Variants in AKAP10 observed in about 807,000 individuals in gnomAD.
AKAP10 encodes A-kinase anchoring protein 10, also known as A-kinase anchor protein 10, mitochondrial.
AKAP10 carries 24 observed loss-of-function variants against 80.8 expected under a neutral mutation model. The ratio of observed to expected loss-of-function variants is 0.30; its 90% CI spans 0.22 to 0.42. The LOEUF (loss-of-function observed/expected upper bound fraction) is 0.42. Among genes scored for constraint, AKAP10 ranks in the 10% least tolerant of loss-of-function variants. The probability of loss-of-function intolerance (pLI) is 1.00; values close to 1 mark genes in which losing one functional copy is unlikely to be tolerated. For missense variants in AKAP10, 661 were observed against 794.9 expected (o/e 0.83, Z 2.03); for synonymous variants, 291 against 277.7 (o/e 1.05, Z -0.48).
rs1567760334 is a variant in AKAP10, at chr17:19,936,427, G to A, written c.1326C>T (p.Tyr442=). ...GAGGATGTGTGGCTTGGAGGGAGAAGTACCTATGGTAAAAAGATATCCGAA... is the reference window on the plus strand; with the variant it reads ...GAGGATGTGTGGCTTGGAGGGAGAAATACCTATGGTAAAAAGATATCCGAA... The part of the protein sequence containing the change: ...QNDAMILYDK[Y]FSLQATHPLG... The change falls in exon 9 of 15, where the codon TAC becomes TAT. Residue 442 remains tyrosine (Y), a synonymous_variant. Transcript: ENST00000225737. 1 of 1,598,218 alleles carries A rather than the reference G, an allele frequency of 6.3e-7. No homozygotes were observed. The highest frequency in any genetic ancestry group is 8.5e-7 in the Non-Finnish European group (1 of 1,170,104).
intron 10 of AKAP10, among the ~76,000 whole-genome samples, chr17:19,930,424 C>A (rs1025621824): frequency 2.6e-5 from 4 of 151,990 alleles, no homozygotes; most frequent in African/African-American, 9.7e-5. Context: ...CTCCAAAAAA[C>A]CCAAAAAAGG....
chr17:19,936,536 G>A (rs2042994609), intron 8 of AKAP10, 106 bp from the exon 9 acceptor site: 1 of 1,118,636 alleles, frequency 8.9e-7, no homozygotes, highest in Non-Finnish European at 1.3e-6. Flanking sequence ...GATTGAGCCT[G>A]CAGGCCTAGA....
In AKAP10 at chr17:19,905,187, G is replaced by C. The variant is rs978005129; in HGVS notation, c.*1040C>G. ...CTGATGGCTGTGTGATCCCGATGCA[G>C]AAGCCAACTGAGCAGAAGTGCAGTG... is the stretch of plus-strand genomic sequence containing the variant. On this transcript the variant is annotated 3_prime_UTR_variant, in exon 15 of 15. Coordinates refer to ENST00000225737, the MANE Select transcript of AKAP10 (RefSeq NM_007202.4). 6.6e-6 allele frequency: 1 copy of C among 152,024 alleles called. No individual in the cohort carries two copies. Among genetic ancestry groups the C allele is most frequent in the Non-Finnish European group, 1.5e-5 (1 of 68,008 alleles). 9.4% of individuals were successfully genotyped at this position (152,024 alleles called of 1,614,324 possible).
At chr17:19,934,857 C>G (rs912183808) in intron 9 of AKAP10, among the ~76,000 whole-genome samples, 1 of 152,048 alleles carries the variant, frequency 6.6e-6, no homozygotes, top group Non-Finnish European at 1.5e-5. Context: ...TACTAAAATA[C>G]AAAAATTAGC....
intron 5 of AKAP10, among the ~76,000 whole-genome samples, chr17:19,946,265 ATATATATATATTTTTT>A (rs2043124976): frequency 3.6e-5 from 1 of 27,458 alleles, no homozygotes; most frequent in Non-Finnish European, 6.1e-5. Flanking sequence ...ATATATATAT[ATATATATATATTTTTT>A]TTTTTTTTTT....
intron 10 of AKAP10, among the ~76,000 whole-genome samples, chr17:19,930,468 A>G (rs2042920199): frequency 6.6e-6 from 1 of 152,124 alleles, no homozygotes; most frequent in South Asian, 2.1e-4. Context: ...CGGTAATGCA[A>G]AACGAAATCA....
intron 12 of AKAP10, among the ~76,000 whole-genome samples, chr17:19,915,288 A>G (rs119672): frequency 0.42 from 64,403 of 152,030 alleles, 14,386 homozygotes; most frequent in African/African-American, 0.57. Flanking sequence ...ATGTCAAGGA[A>G]AGAGAAATAA....
Position 19,905,970 on chromosome 17 carries a change from A to G in AKAP10, c.*257T>C. On this transcript the variant is annotated 3_prime_UTR_variant, in exon 15 of 15. Transcript: ENST00000225737. ...ATGGGTTATTGCCATTGGAAAACTA[A>G]TAATTTTCTAGTAATGTAAACAATA... is the stretch of plus-strand genomic sequence containing the variant. The G allele has an allele frequency of 4.1e-6, 2 of 484,546 alleles. No individual in the cohort carries two copies. The highest frequency in any genetic ancestry group is 7.5e-6 in the Non-Finnish European group (2 of 267,642). The allele number at this position is 484,546 out of a possible 1,614,324, so 30.0% of individuals were successfully genotyped here.
intron 4 of AKAP10, 30 bp downstream of exon 4, chr17:19,957,984 T>C (rs773980583): frequency 1.8e-5 from 28 of 1,572,868 alleles, no homozygotes; most frequent in African/African-American, 2.7e-5. Context: ...GTGAGACACA[T>C]ATGTACACAC....
At chr17:19,929,999 C>CAAAAAAAAAAAAA (rs11365343) in intron 10 of AKAP10, among the ~76,000 whole-genome samples, 1 of 81,854 alleles carries the variant, frequency 1.2e-5, no homozygotes, top group African/African-American at 4.1e-5. Context: ...CAACAAAAAC[C>CAAAAAAAAAAAAA]AAAAAAAAAA....
chr17:19,923,189 T>C (rs182191137), intron 11 of AKAP10, among the ~76,000 whole-genome samples: 1 of 152,100 alleles, frequency 6.6e-6, no homozygotes, highest in Non-Finnish European at 1.5e-5. Flanking sequence ...GCAATTCTCC[T>C]GCCTCAGCCT....
chr17:19,905,996 CCATTT>C lies in AKAP10; in HGVS notation c.*226_*230del, dbSNP rs2042628400. The C allele has an allele frequency of 1.9e-6, 1 of 529,484 alleles. No individual in the cohort carries two copies. Among genetic ancestry groups the C allele is most frequent in the Admixed American group, 3.2e-5 (1 of 31,468 alleles). 32.8% of individuals were successfully genotyped at this position (529,484 alleles called of 1,614,324 possible). On this transcript the variant is annotated 3_prime_UTR_variant, in exon 15 of 15. Transcript: ENST00000225737. Reference sequence around the variant, plus strand: ...TAATTTTCTAGTAATGTAAACAATACCATTTTGTATCTTTAAGACTCTCACTGTGT... The same window carrying C: ...TAATTTTCTAGTAATGTAAACAATACTGTATCTTTAAGACTCTCACTGTGT...
chr17:19,969,068 G>A (rs2043460983), intron 1 of AKAP10, among the ~76,000 whole-genome samples: 1 of 152,194 alleles, frequency 6.6e-6, no homozygotes, highest in Non-Finnish European at 1.5e-5. Context: ...TCTGGGCCAG[G>A]CACGGTGGCT....
intron 11 of AKAP10, among the ~76,000 whole-genome samples, chr17:19,920,375 C>A (rs2042796497): frequency 6.6e-6 from 1 of 152,048 alleles, no homozygotes; most frequent in African/African-American, 2.4e-5. Flanking sequence ...ATTCACAATT[C>A]TAAAATTCAC....
At chr17:19,923,524 C>T (rs1567755041) in intron 11 of AKAP10, among the ~76,000 whole-genome samples, 3 of 152,050 alleles carry the variant, frequency 2.0e-5, no homozygotes, top group Admixed American at 6.6e-5. Flanking sequence ...CCCAATACCA[C>T]TGTTACTTTC....
Position 19,958,110 on chromosome 17 carries a change from A to G in AKAP10, c.781T>C (p.Ser261Pro). 1 of 1,614,148 alleles carries G rather than the reference A, an allele frequency of 6.2e-7. No individual in the cohort carries two copies. Among genetic ancestry groups the G allele is most frequent in the Non-Finnish European group, 8.5e-7 (1 of 1,180,034 alleles). The stretch of plus-strand genomic sequence containing the variant: ...GAGGAAGATTCTTGGGTTTCCATGG[A>G]AACTTGGTGAGTTCCTGCTCTGGCC... ...EMARAGTHQV[S>P]METQESSSTL... Residue 261 changes from serine to proline, a missense_variant, in exon 4 of 15, where the codon TCC (serine) becomes CCC (proline). Transcript: ENST00000225737.
In AKAP10 at chr17:19,977,709, G is replaced by C. The variant is rs1368989294; in HGVS notation, c.-30C>G. On this transcript the variant is annotated 5_prime_UTR_variant, in exon 1 of 15. Coordinates refer to ENST00000225737, the MANE Select transcript of AKAP10 (RefSeq NM_007202.4). ...CAACCGGCCCGGACTTCCGGGTCCA[G>C]AGGGGCCGCTGCACTAGCGCGAAAA... is the stretch of plus-strand genomic sequence containing the variant. 4.9e-6 allele frequency: 6 copies of C among 1,214,718 alleles called. No individual in the cohort carries two copies. Among genetic ancestry groups the C allele is most frequent in the South Asian group, 8.3e-5 (2 of 23,982 alleles). 75.2% of individuals were successfully genotyped at this position (1,214,718 alleles called of 1,614,324 possible).
chr17:19,913,516 G>T (rs1048263052), intron 12 of AKAP10, among the ~76,000 whole-genome samples: 3 of 151,952 alleles, frequency 2.0e-5, no homozygotes, highest in Non-Finnish European at 2.9e-5. Context: ...CTTAACTCTT[G>T]TCCTCAGTGA....
At chr17:19,948,402 G>A (rs554063111) in intron 4 of AKAP10, among the ~76,000 whole-genome samples, 36 of 152,220 alleles carry the variant, frequency 2.4e-4, no homozygotes, top group Middle Eastern at 3.4e-3. Context: ...GGGCTCTCAC[G>A]GATCAAAGAG....
Sources: allele counts gnomAD v4.1 joint callset (sites outside exome capture counted in the v4.1 genomes callset), GRCh38; gene constraint gnomAD v4.1.1; transcripts MANE v1.5; gene names NCBI Gene and HGNC (gene_info 2026-07-23, HGNC 2026-07-21).